FRMPD4: variants seen among roughly 807,000 people sequenced by gnomAD.
The protein encoded by FRMPD4 is FERM and PDZ domain-containing protein 4.
Under a neutral mutation model 94.1 loss-of-function variants are expected in FRMPD4, and 22 were observed. The observed-to-expected ratio is 0.23, with a 90% CI of 0.17 to 0.33. The LOEUF (loss-of-function observed/expected upper bound fraction) is 0.33. Among genes scored for constraint, FRMPD4 ranks in the 10% least tolerant of loss-of-function variants. FRMPD4 has a pLI of 1.00. For synonymous variants in FRMPD4, 631 were observed against 548.6 expected (o/e 1.15, Z -2.10); for missense variants, 1,111 against 1,339.9 (o/e 0.83, Z 2.67).
At chrX:12,498,640 G>C (rs201251080) in intron 1 of FRMPD4, 40 bp from the exon 2 acceptor site, 49 of 730,993 alleles carry the variant, frequency 6.7e-5, no homozygotes, top group Non-Finnish European at 9.8e-5. Flanking sequence ...GAATGTTCAG[G>C]AGTCAGGTGT....
chrX:11,873,757 T>C (rs1167206092), intron 2 of FRMPD4, among the ~76,000 whole-genome samples: 4 of 110,228 alleles, frequency 3.6e-5, no homozygotes, highest in Non-Finnish European at 7.6e-5. Flanking sequence ...GTAAAATTTA[T>C]ATGGAAATAG....
chrX:12,056,653 G>A (rs2054855886), intron 3 of FRMPD4, among the ~76,000 whole-genome samples: 1 of 110,954 alleles, frequency 9.0e-6, no homozygotes, highest in African/African-American at 3.3e-5. Flanking sequence ...TCATTTTTGG[G>A]GTATTGTTTT....
rs138791724 is a variant in FRMPD4, at chrX:12,426,176, G to A, written c.42-72504G>A. 4.2e-3 allele frequency among the ~76,000 whole-genome samples: 473 copies of A among 112,217 alleles called. 5 individuals carry two copies. The highest frequency in any genetic ancestry group is 0.015 in the African/African-American group (450 of 30,844). ...ACTAGAGGGATTGATCCCTCTTTCTGGAAGAAATATGGAGTAGTTTTCAGT... is the reference window on the plus strand; with the variant it reads ...ACTAGAGGGATTGATCCCTCTTTCTAGAAGAAATATGGAGTAGTTTTCAGT... On this transcript the variant is annotated intron_variant, in intron 1 of 16. Coordinates refer to ENST00000675598, the MANE Select transcript of FRMPD4 (RefSeq NM_001368397.1).
intron 5 of FRMPD4, among the ~76,000 whole-genome samples, chrX:12,677,813 G>A (rs1391701278): frequency 9.0e-6 from 1 of 111,676 alleles, no homozygotes; most frequent in Non-Finnish European, 1.9e-5. Flanking sequence ...GGGGGAATGG[G>A]GGTGAGAGTC....
intron 3 of FRMPD4, among the ~76,000 whole-genome samples, chrX:12,108,100 C>T (rs1331684500): frequency 9.0e-6 from 1 of 111,194 alleles, no homozygotes; most frequent in Non-Finnish European, 1.9e-5. Context: ...TCGAGAAGAG[C>T]AACTCCAAGA....
intron 1 of FRMPD4, among the ~76,000 whole-genome samples, chrX:12,245,176 C>A (rs1404259635): frequency 8.9e-6 from 1 of 111,883 alleles, no homozygotes; most frequent in Non-Finnish European, 1.9e-5. Flanking sequence ...AGAGGGATGA[C>A]TGACTCATTT....
At chrX:12,291,842 G>A (rs777248682) in intron 1 of FRMPD4, among the ~76,000 whole-genome samples, 1 of 111,481 alleles carries the variant, frequency 9.0e-6, no homozygotes. Context: ...TATCCTACTC[G>A]GGCTCCATCC....
intron 3 of FRMPD4, among the ~76,000 whole-genome samples, chrX:12,089,919 G>GT (rs1293389550): frequency 8.9e-6 from 1 of 111,916 alleles, no homozygotes; most frequent in Non-Finnish European, 1.9e-5. Flanking sequence ...CTGAGTGGCA[G>GT]TTGAGTAACA....
rs78910736 is a variant in FRMPD4 at position 12,689,160 on chromosome X, G to A, written c.682-1035G>A. On this transcript the variant is annotated intron_variant, in intron 7 of 16. Coordinates refer to ENST00000675598, the MANE Select transcript of FRMPD4 (RefSeq NM_001368397.1). ...TAGCATCTGAGTCTAAATTATCTTCGAGGGATCATTTACCAGTTTTCAAGT... is the reference window on the plus strand; with the variant it reads ...TAGCATCTGAGTCTAAATTATCTTCAAGGGATCATTTACCAGTTTTCAAGT... Among the ~76,000 whole-genome samples the A allele has an allele frequency of 6.1e-3, 683 of 111,444 alleles. 19 individuals are homozygous for A. The highest frequency in any genetic ancestry group is 0.047 in the Admixed American group (487 of 10,409).
intron 1 of FRMPD4, among the ~76,000 whole-genome samples, chrX:12,319,305 T>C (rs187806167): frequency 3.6e-4 from 40 of 112,631 alleles, no homozygotes; most frequent in Non-Finnish European, 6.7e-4. Flanking sequence ...TTTTTCAGAA[T>C]GCATTATAGT....
intron 3 of FRMPD4, among the ~76,000 whole-genome samples, chrX:11,884,629 T>C (rs1391303523): frequency 9.0e-6 from 1 of 111,484 alleles, no homozygotes; most frequent in Non-Finnish European, 1.9e-5. Context: ...AATATGAATA[T>C]ATATATATCC....
chrX:11,943,793 C>A (rs1191936206), intron 3 of FRMPD4, among the ~76,000 whole-genome samples: 1 of 111,863 alleles, frequency 8.9e-6, no homozygotes, highest in Admixed American at 9.5e-5. Context: ...ATCTGGGAAA[C>A]TGGAAATCTA....
At chrX:11,851,752 G>A (rs758459296) in intron 1 of FRMPD4, among the ~76,000 whole-genome samples, 5 of 110,973 alleles carry the variant, frequency 4.5e-5, no homozygotes, top group African/African-American at 1.6e-4. Flanking sequence ...CTTTCTATAA[G>A]GTTTCTAAGA....
At position 11,984,875 on chromosome X, in the gene FRMPD4, A is replaced by G. The variant is rs1406463782; in HGVS notation, c.95+106857A>G. 4.4e-5 allele frequency among the ~76,000 whole-genome samples: 5 copies of G among 112,553 alleles called. No individual in the cohort carries two copies. The South Asian group carries it at 1.8e-3, about 42-fold the overall frequency. On this transcript the variant is annotated intron_variant, in intron 3 of 18. Coordinates refer to the FRMPD4 transcript ENST00000640291. Reference sequence around the variant, plus strand: ...CTATAACCTGATGAAAAAATGGGCAAAGGTCTTGAATAGACATTTCTTCAA... The same window carrying G: ...CTATAACCTGATGAAAAAATGGGCAGAGGTCTTGAATAGACATTTCTTCAA...
intron 3 of FRMPD4, among the ~76,000 whole-genome samples, chrX:11,976,466 C>A (rs1288838513): frequency 8.9e-6 from 1 of 112,089 alleles, no homozygotes; most frequent in Non-Finnish European, 1.9e-5. Context: ...ACATAGCACT[C>A]TTGATTACAC....
At chrX:11,832,195 G>T (rs761031657) in intron 1 of FRMPD4, among the ~76,000 whole-genome samples, 1 of 111,430 alleles carries the variant, frequency 9.0e-6, no homozygotes, top group African/African-American at 3.3e-5. Context: ...CATCTGTCTT[G>T]CAGGAGCTTC....
At chrX:12,656,688 G>T (rs894924136) in intron 4 of FRMPD4, among the ~76,000 whole-genome samples, 18 of 112,363 alleles carry the variant, frequency 1.6e-4, no homozygotes, top group Admixed American at 5.6e-4. Context: ...CGGAACTGTG[G>T]TTATCCTCAG....
intron 1 of FRMPD4, among the ~76,000 whole-genome samples, chrX:12,331,725 G>GTATATAAA (rs2055390154): frequency 6.1e-5 from 2 of 33,031 alleles, no homozygotes; most frequent in Non-Finnish European, 1.0e-4. Context: ...TTTATATATA[G>GTATATAAA]TATATAAATA....
intron 1 of FRMPD4, among the ~76,000 whole-genome samples, chrX:12,226,113 T>C (rs2056919504): frequency 8.9e-6 from 1 of 111,873 alleles, no homozygotes; most frequent in East Asian, 2.8e-4. Context: ...TTGTTTATTT[T>C]ATTTTTTTGA....
Sources: gnomAD v4.1 joint callset for allele counts (sites outside exome capture counted in the v4.1 genomes callset) on GRCh38, gnomAD v4.1.1 for gene constraint, MANE v1.5 for transcripts, NCBI Gene and HGNC (gene_info 2026-07-23, HGNC 2026-07-21) for gene names.